The following VIPR2 variants were observed in gnomAD, a reference collection of about 807,000 sequenced individuals.
VIPR2 encodes the protein vasoactive intestinal peptide receptor 2.
A neutral mutation model predicts 58.0 loss-of-function variants in VIPR2; 48 were observed. The ratio of observed to expected loss-of-function variants is 0.83; its 90% CI spans 0.66 to 1.05. VIPR2 has a LOEUF of 1.05. Among genes scored for constraint, VIPR2 ranks in the 50% least tolerant of loss-of-function variants. The pLI is 0.00. For synonymous variants in VIPR2, 243 were observed against 235.2 expected, an observed-to-expected ratio of 1.03 and a Z score of -0.30; for missense variants, 534 against 558.0, an observed-to-expected ratio of 0.96 and a Z score of 0.43.
At chr7:159,058,700 C>T (rs188578895) in intron 4 of VIPR2, 122 bp from the exon 5 acceptor site, 23 of 715,994 alleles carry the variant, frequency 3.2e-5, no homozygotes, top group East Asian at 1.8e-4. Context: ...CTGGAAGGCA[C>T]GAGATAGTCT....
At chr7:159,125,353 A>G (rs1796614506) in intron 2 of VIPR2, among the ~76,000 whole-genome samples, 1 of 152,170 alleles carries the variant, frequency 6.6e-6, no homozygotes, top group African/African-American at 2.4e-5. Flanking sequence ...TCTTTCCTGC[A>G]GTGTAAGATG....
intron 4 of VIPR2, among the ~76,000 whole-genome samples, chr7:159,102,768 G>A (rs997715039): frequency 2.0e-5 from 3 of 152,222 alleles, no homozygotes; most frequent in Admixed American, 2.0e-4. Flanking sequence ...ACAAGCTGAT[G>A]GTTTTGCCCG....
At chr7:159,040,068 C>CA (rs1375985615) in intron 6 of VIPR2, among the ~76,000 whole-genome samples, 2 of 152,336 alleles carry the variant, frequency 1.3e-5, no homozygotes, top group African/African-American at 4.8e-5. Flanking sequence ...TAAATGGGAA[C>CA]AAAAACATCT....
At chr7:159,083,516 A>G (rs1419043486) in intron 4 of VIPR2, among the ~76,000 whole-genome samples, 1 of 152,152 alleles carries the variant, frequency 6.6e-6, no homozygotes, top group East Asian at 1.9e-4. Context: ...GAGTGACCAT[A>G]GCAGAGTCCT....
intron 4 of VIPR2, among the ~76,000 whole-genome samples, chr7:159,072,116 G>A (rs982811973): frequency 4.1e-5 from 6 of 147,752 alleles, no homozygotes; most frequent in Admixed American, 1.3e-4. Flanking sequence ...CGATGGTACC[G>A]GCAGGTAAGA....
intron 2 of VIPR2, among the ~76,000 whole-genome samples, chr7:159,120,006 G>A (rs1173761847): frequency 3.3e-5 from 5 of 152,104 alleles, no homozygotes; most frequent in African/African-American, 1.2e-4. Context: ...TCCCCCTTGG[G>A]GAGGGGACAG....
At chr7:159,117,668 C>T (rs186312672) in intron 2 of VIPR2, among the ~76,000 whole-genome samples, 29 of 152,326 alleles carry the variant, frequency 1.9e-4, no homozygotes, top group African/African-American at 6.7e-4. Flanking sequence ...AGTCACCTGC[C>T]CCTACCCCAC....
chr7:159,053,776 G>A (rs1855142177), intron 5 of VIPR2, among the ~76,000 whole-genome samples: 1 of 152,166 alleles, frequency 6.6e-6, no homozygotes, highest in Admixed American at 6.5e-5. Flanking sequence ...TTGAACTCCT[G>A]AGCACAAGCA....
intron 6 of VIPR2, among the ~76,000 whole-genome samples, chr7:159,038,669 G>T (rs910479067): frequency 2.0e-5 from 3 of 152,128 alleles, no homozygotes; most frequent in Non-Finnish European, 4.4e-5. Context: ...GTAAAAGACC[G>T]CATCTTAAAC....
At chr7:159,070,602 AG>A (rs1451825417) in intron 4 of VIPR2, among the ~76,000 whole-genome samples, 2 of 152,206 alleles carry the variant, frequency 1.3e-5, no homozygotes, top group Non-Finnish European at 2.9e-5. Flanking sequence ...TACTGACAGA[AG>A]GGCCCCACAA....
rs569315219 is a variant in VIPR2, at chr7:159,056,045, C to A, written c.455+2436G>T. ...TGGGTTGAAATCAGGGCTCTGCGTG[C>A]ACCAGCTCAGCAACCCTGCAATGTC... On this transcript the variant is annotated intron_variant, in intron 5 of 12. Coordinates refer to ENST00000262178, the MANE Select transcript of VIPR2 (RefSeq NM_003382.5). Among the ~76,000 whole-genome samples, 3 of 152,350 alleles carry A rather than the reference C, an allele frequency of 2.0e-5. No homozygotes were observed. The East Asian group carries it at 5.8e-4, about 29-fold the overall frequency.
At position 159,128,543 on chromosome 7, in the gene VIPR2, G is replaced by T. The variant is rs1176938789; in HGVS notation, c.151+13903C>A. Among the ~76,000 whole-genome samples, 1 of 152,106 alleles carries T rather than the reference G, an allele frequency of 6.6e-6. No homozygotes were observed. The highest frequency in any genetic ancestry group is 1.9e-4 in the East Asian group (1 of 5,166). On this transcript the variant is annotated intron_variant, in intron 2 of 12. Transcript: ENST00000262178. The surrounding 1 kb of genome is among the most constrained non-coding windows in gnomAD (Gnocchi z 4.1). ...GCAGCTTTGGCAGTCCCTACCAGAG[G>T]CACTTTCCTCGCCTCTGACCCTGCC...
intron 1 of VIPR2, among the ~76,000 whole-genome samples, chr7:159,143,740 A>T (rs1032163788): frequency 2.0e-5 from 3 of 152,284 alleles, no homozygotes; most frequent in Non-Finnish European, 4.4e-5. Context: ...AAAGACATTA[A>T]TAATACCTGA....
Position 159,036,873 on chromosome 7 carries a change from C to A in VIPR2, c.627G>T (p.Leu209=). 1 of 1,613,324 alleles carries A rather than the reference C, an allele frequency of 6.2e-7. No individual in the cohort carries two copies. Reference sequence around the variant, plus strand: ...AGAAGTTGGCCATGATGCAGTACTGCAGGAAGACCAGGCTCAGCTTGCAGC... The same window carrying A: ...AGAAGTTGGCCATGATGCAGTACTGAAGGAAGACCAGGCTCAGCTTGCAGC... ...WVGCKLSLVF[L]QYCIMANFFW... The change falls in exon 7 of 13, where the codon CTG becomes CTT. Residue 209 remains leucine (L), a synonymous_variant. Transcript: ENST00000262178.
intron 2 of VIPR2, 64 bp downstream of exon 2, chr7:159,142,382 G>A (rs1326526208): frequency 1.6e-6 from 2 of 1,223,396 alleles, no homozygotes; most frequent in Non-Finnish European, 1.2e-6. Flanking sequence ...AACCACAGCT[G>A]AGTGAGGCGC....
intron 4 of VIPR2, 68 bp downstream of exon 4, chr7:159,103,689 A>C (rs562923581): frequency 1.7e-6 from 2 of 1,172,984 alleles, no homozygotes; most frequent in East Asian, 2.3e-5. Flanking sequence ...CTTGCAGGGC[A>C]GGAGGGGGCT....
chr7:159,064,376 C>T (rs1805043719), intron 4 of VIPR2, among the ~76,000 whole-genome samples: 1 of 152,088 alleles, frequency 6.6e-6, no homozygotes, highest in Non-Finnish European at 1.5e-5. Context: ...GGGACGGGAC[C>T]GTGGCGGGGA....
chr7:159,124,999 T>G (rs1181815672), intron 2 of VIPR2, among the ~76,000 whole-genome samples: 1 of 152,228 alleles, frequency 6.6e-6, no homozygotes, highest in African/African-American at 2.4e-5. Context: ...TCCTAAAACT[T>G]TGCTGAAGTT....
intron 2 of VIPR2, among the ~76,000 whole-genome samples, chr7:159,125,118 C>A (rs904594549): frequency 2.6e-5 from 4 of 152,114 alleles, no homozygotes; most frequent in Non-Finnish European, 4.4e-5. Context: ...TATTTGGATG[C>A]GCTTTATTTT....
Sources: allele counts gnomAD v4.1 joint callset (sites outside exome capture counted in the v4.1 genomes callset), GRCh38; gene constraint gnomAD v4.1.1; non-coding constraint Gnocchi (gnomAD v3.1); transcripts MANE v1.5; gene names NCBI Gene and HGNC (gene_info 2026-07-23, HGNC 2026-07-21).